ZSWIM4: variants seen among roughly 807,000 people sequenced by gnomAD.
ZSWIM4 encodes the protein zinc finger SWIM domain-containing protein 4.
Under a neutral mutation model 102.5 loss-of-function variants are expected in ZSWIM4, and 62 were observed. The observed-to-expected ratio is 0.60, with a 90% CI of 0.49 to 0.75. The LOEUF (loss-of-function observed/expected upper bound fraction) is 0.75. Among genes scored for constraint, ZSWIM4 ranks in the 30% least tolerant of loss-of-function variants. The pLI is 0.00. For missense variants in ZSWIM4, 1,280 were observed against 1,529.6 expected, an observed-to-expected ratio of 0.84 and a Z score of 2.72; for synonymous variants, 652 against 674.5, an observed-to-expected ratio of 0.97 and a Z score of 0.52.
rs1975760658 is a variant in ZSWIM4 at position 13,831,222 on chromosome 19, G to A, written c.*172G>A. 3 of 826,212 alleles carry A rather than the reference G, an allele frequency of 3.6e-6. No homozygotes were observed. The highest frequency in any genetic ancestry group is 5.4e-6 in the Non-Finnish European group (3 of 550,854). 51.2% of individuals were successfully genotyped at this position (826,212 alleles called of 1,614,324 possible). Reference sequence around the variant, plus strand: ...GCCACGTGTGTGCCTGGGAGTCTGTGAGCAAGTGTGCAAGACTCCAGAAGC... The same window carrying A: ...GCCACGTGTGTGCCTGGGAGTCTGTAAGCAAGTGTGCAAGACTCCAGAAGC... On this transcript the variant is annotated 3_prime_UTR_variant, in exon 14 of 14. Transcript: ENST00000590508.
chr19:13,797,163 C>G (rs1171981152), intron 1 of ZSWIM4, among the ~76,000 whole-genome samples: 1 of 152,218 alleles, frequency 6.6e-6, no homozygotes. Flanking sequence ...CTCATGGAAT[C>G]CCCTGCAACC....
rs1407230883 is a variant in ZSWIM4, at chr19:13,804,790, A to G, written c.356-2A>G. On this transcript the variant is annotated splice_acceptor_variant, in intron 2 of 13. Transcript: ENST00000590508. LOFTEE classifies it high-confidence loss of function. ...GATGCGACAGTTTGGCTTTGATCCT[A>G]GGATTCCACCTGAGCGGAAACATCC... 3 of 1,571,418 alleles carry G rather than the reference A, an allele frequency of 1.9e-6. No individual in the cohort carries two copies. The highest frequency in any genetic ancestry group is 3.5e-5 in the Admixed American group (2 of 57,048).
At chr19:13,806,837 G>A (rs927301139) in intron 3 of ZSWIM4, among the ~76,000 whole-genome samples, 3 of 152,006 alleles carry the variant, frequency 2.0e-5, no homozygotes, top group Admixed American at 2.0e-4. Flanking sequence ...TTGGGAGTGA[G>A]TTGATGGGTG....
intron 2 of ZSWIM4, among the ~76,000 whole-genome samples, chr19:13,800,169 G>A (rs62108167): frequency 8.3e-4 from 115 of 138,612 alleles, no homozygotes; most frequent in Non-Finnish European, 1.4e-3. Flanking sequence ...CTGGGTTCAC[G>A]CCATTCTGCC....
At position 13,817,801 on chromosome 19, in the gene ZSWIM4, G is replaced by A. The variant is rs1975337953; in HGVS notation, c.1749G>A (p.Leu583=). 1.9e-6 allele frequency: 3 copies of A among 1,589,300 alleles called. No homozygotes were observed. Among genetic ancestry groups the A allele is most frequent in the Non-Finnish European group, 2.6e-6 (3 of 1,169,320 alleles). The change falls in exon 9 of 14, where the codon CTG becomes CTA. Residue 583 remains leucine (L), a synonymous_variant. Transcript: ENST00000590508. ...GCCCTGGGGAGTCCTACTTGGTGCT[G>A]GCGCTGGAGGTGGCACTGCTGGGGC... ...PGSPGESYLV[L]ALEVALLGLG...
chr19:13,802,930 G>GA (rs1314816602), intron 2 of ZSWIM4, among the ~76,000 whole-genome samples: 2 of 152,128 alleles, frequency 1.3e-5, no homozygotes, highest in Non-Finnish European at 2.9e-5. Context: ...CTCAAGCTAA[G>GA]AAAACAAAAG....
intron 2 of ZSWIM4, among the ~76,000 whole-genome samples, chr19:13,801,155 G>GAAAAAAAAAAA (rs58833466): frequency 7.1e-6 from 1 of 140,190 alleles, no homozygotes; most frequent in African/African-American, 2.6e-5. Flanking sequence ...AGAGAAAAAA[G>GAAAAAAAAAAA]AAAAAAAAAA....
Position 13,799,843 on chromosome 19 carries a change from G to C in ZSWIM4, c.277G>C (p.Glu93Gln), listed in dbSNP as rs1052933518. 20 of 1,613,716 alleles carry C rather than the reference G, an allele frequency of 1.2e-5. No homozygotes were observed. The highest frequency in any genetic ancestry group is 1.4e-5 in the Non-Finnish European group (17 of 1,180,012). ...SSLGYPPPEG[E>Q]HDARVPFTRG... is the part of the protein sequence containing the mutation. ...GCTGGGTTACCCGCCCCCAGAGGGC[G>C]AGCACGATGCCCGGGTGCCCTTTAC... The change falls in exon 2 of 14, where the codon GAG (glutamate) becomes CAG (glutamine). Residue 93 changes from glutamate to glutamine, a missense_variant. Transcript: ENST00000590508.
chr19:13,798,997 C>T (rs1321066715), intron 1 of ZSWIM4, among the ~76,000 whole-genome samples: 1 of 151,956 alleles, frequency 6.6e-6, no homozygotes, highest in East Asian at 1.9e-4. Flanking sequence ...CCATGTTGGC[C>T]AGGCTGCTCT....
rs769389486 is a variant in ZSWIM4 at position 13,830,952 on chromosome 19, G to A, written c.3223G>A (p.Asp1075Asn). Residue 1075 changes from aspartate (D) to asparagine (N), a missense_variant, in exon 14 of 14, where the codon GAC becomes AAC. Transcript: ENST00000590508. ...CCGGGAGACCTTCCTGCTGGCGCCC[G>A]ACGGGCACCTCCAGTTCTCACAGTT... is the stretch of plus-strand genomic sequence containing the variant. ...KARETFLLAP[D>N]GHLQFSQFLE... 16 of 1,614,188 alleles carry A rather than the reference G, an allele frequency of 9.9e-6. No homozygotes were observed. Among genetic ancestry groups the A allele is most frequent in the Admixed American group, 3.3e-5 (2 of 60,024 alleles).
Position 13,817,865 on chromosome 19 carries a change from C to T in ZSWIM4, c.1813C>T (p.Gln605Ter). 1.3e-6 allele frequency: 2 copies of T among 1,556,394 alleles called. No homozygotes were observed. Among genetic ancestry groups the T allele is most frequent in the Non-Finnish European group, 1.7e-6 (2 of 1,149,824 alleles). ...GGCCCTGCCGGAGGGGCTGTACGCC[C>T]AGGACAAGGTGGTGCGCAACGAGGA... ...QRALPEGLYAQDKVVRNEEQL... is the reference protein window; with the variant it reads ...QRALPEGLYA Residue 605 changes from glutamine (Q) to a stop codon, truncating the protein, a stop_gained, in exon 9 of 14, where the codon CAG becomes TAG. Coordinates refer to ENST00000590508, the MANE Select transcript of ZSWIM4 (RefSeq NM_001367834.3). LOFTEE classifies it high-confidence loss of function.
intron 1 of ZSWIM4, among the ~76,000 whole-genome samples, chr19:13,799,365 C>T (rs1055406792): frequency 1.3e-5 from 2 of 150,832 alleles, no homozygotes; most frequent in Admixed American, 1.3e-4. Flanking sequence ...CCTCTGCCTT[C>T]CAGGTTCCAG....
At chr19:13,795,890 A>G (rs2145236339) in intron 1 of ZSWIM4, 89 bp downstream of exon 1, 1 of 843,886 alleles carries the variant, frequency 1.2e-6, no homozygotes, top group Non-Finnish European at 1.5e-6. Context: ...CCCAGACTCC[A>G]GAGCTAACCC....
At chr19:13,814,914 T>G (rs1422309454) in intron 7 of ZSWIM4, 49 bp downstream of exon 7, 3 of 1,125,426 alleles carry the variant, frequency 2.7e-6, no homozygotes, top group Non-Finnish European at 3.4e-6. Flanking sequence ...CCCAGCACAT[T>G]GGGAGTCCGA....
In ZSWIM4 at chr19:13,817,741, G is replaced by C; in HGVS notation, c.1689G>C (p.Arg563=). The change falls in exon 9 of 14, where the codon CGG becomes CGC. Residue 563 remains arginine, a synonymous_variant. Transcript: ENST00000590508. ...CCCCAGACTCAGGCCCCGAGAAGCG[G>C]AAGGTGGCCTACCAGCACGTGCCTG... ...TLYPDSGPEK[R]KVAYQHVPVP... The C allele has an allele frequency of 6.2e-7, 1 of 1,607,782 alleles. No homozygotes were observed. Among genetic ancestry groups the C allele is most frequent in the Non-Finnish European group, 8.5e-7 (1 of 1,177,914 alleles).
At chr19:13,814,972 C>A in intron 7 of ZSWIM4, 107 bp downstream of exon 7, 3 of 574,088 alleles carry the variant, frequency 5.2e-6, no homozygotes, top group Non-Finnish European at 7.3e-6. Context: ...GCCTGGGCAA[C>A]ATAGTGAGAC....
chr19:13,829,543 A>T (rs1353929870), intron 13 of ZSWIM4, among the ~76,000 whole-genome samples: 1 of 152,110 alleles, frequency 6.6e-6, no homozygotes, highest in Admixed American at 6.6e-5. Flanking sequence ...GTGAGCCGAG[A>T]ACTCACTACC....
intron 6 of ZSWIM4, among the ~76,000 whole-genome samples, chr19:13,813,920 CAAAAAAAAAA>C (rs34407290): frequency 9.9e-6 from 1 of 100,526 alleles, no homozygotes. Flanking sequence ...GACCCTGTCT[CAAAAAAAAAA>C]AAAAAGAAAG....
At chr19:13,819,522 G>T in intron 10 of ZSWIM4, 30 bp downstream of exon 10, 1 of 1,560,604 alleles carries the variant, frequency 6.4e-7, no homozygotes, top group East Asian at 2.4e-5. Context: ...GCAGTGGCAG[G>T]GGGAGCTGGG....
Sources: allele counts gnomAD v4.1 joint callset (sites outside exome capture counted in the v4.1 genomes callset), GRCh38; gene constraint gnomAD v4.1.1; transcripts MANE v1.5; gene names NCBI Gene and HGNC (gene_info 2026-07-23, HGNC 2026-07-21).